Variants in SYCE2 observed in about 807,000 individuals in gnomAD.
SYCE2 encodes synaptonemal complex central element protein 2.
A neutral mutation model predicts 27.9 loss-of-function variants in SYCE2; 3 were observed. The ratio of observed to expected loss-of-function variants is 0.11; its 90% confidence interval spans 0.05 to 0.28. SYCE2 has a LOEUF of 0.28. SYCE2 is among the 10% of genes least tolerant of loss of function. SYCE2 has a pLI of 1.00. For missense variants in SYCE2, 207 were observed against 263.5 expected, an observed-to-expected ratio of 0.79 and a Z score of 1.48; for synonymous variants, 85 against 100.7, an observed-to-expected ratio of 0.84 and a Z score of 0.93.
intron 2 of SYCE2, among the ~76,000 whole-genome samples, chr19:12,917,253 A>G (rs1971153559): frequency 6.7e-6 from 1 of 148,828 alleles, no homozygotes; most frequent in South Asian, 2.1e-4. Context: ...ACAGGGTTTC[A>G]CCATATTGGC....
In SYCE2 at chr19:12,919,277, A is replaced by C. The variant is rs936845971; in HGVS notation, c.-20T>G. 1.9e-6 allele frequency: 3 copies of C among 1,609,788 alleles called. No individual in the cohort carries two copies. The highest frequency in any genetic ancestry group is 1.1e-5 in the South Asian group (1 of 91,088). The stretch of plus-strand genomic sequence containing the variant: ...CTCCATTCCGTATTTTCCCGCCTTC[A>C]AGCTCGCACCCTCTGCGCATGCGCC... On this transcript the variant is annotated 5_prime_UTR_variant, in exon 1 of 6. Transcript: ENST00000293695.
At chr19:12,915,221 G>C (rs765869032) in intron 2 of SYCE2, among the ~76,000 whole-genome samples, 74 of 152,302 alleles carry the variant, frequency 4.9e-4, no homozygotes, top group Non-Finnish European at 9.7e-4. Context: ...CACTGTATCT[G>C]GCCTGGAGTG....
Position 12,904,827 on chromosome 19 carries a change from G to C in SYCE2, c.132-161C>G. Reference sequence around the variant, plus strand: ...CAGCCTGGCAACATGGTGAAACCTCGTCTCTAGTAAAAACAAAAAAACAAA... The same window carrying C: ...CAGCCTGGCAACATGGTGAAACCTCCTCTCTAGTAAAAACAAAAAAACAAA... On this transcript the variant is annotated intron_variant, in intron 2 of 5. Coordinates refer to ENST00000293695, the MANE Select transcript of SYCE2 (RefSeq NM_001105578.2). The C allele has an allele frequency of 5.2e-6, 4 of 762,484 alleles. No homozygotes were observed. In the South Asian group the frequency reaches 7.3e-5, roughly 14 times the overall value. The allele number at this position is 762,484 out of a possible 1,614,324, so 47.2% of individuals were successfully genotyped here. A position where few individuals can be genotyped will look rare whatever the true frequency, so the allele number is the denominator to read the frequency against.
chr19:12,904,676 G>A lies in SYCE2; in HGVS notation c.132-10C>T. On this transcript the variant is annotated splice_polypyrimidine_tract_variant and intron_variant, in intron 2 of 5. Transcript: ENST00000293695. ...CAGCTGGCAACTGGCACTGGAGGTG[G>A]CGACACAAGGGCAAGAAACCTGACT... 3.7e-6 allele frequency: 6 copies of A among 1,612,960 alleles called. No individual in the cohort carries two copies. Among genetic ancestry groups the A allele is most frequent in the Non-Finnish European group, 5.1e-6 (6 of 1,179,894 alleles).
chr19:12,903,599 A>T (rs1350338645), intron 3 of SYCE2, among the ~76,000 whole-genome samples: 1 of 150,476 alleles, frequency 6.6e-6, no homozygotes, highest in African/African-American at 2.5e-5. Context: ...GTTGGCCAGG[A>T]TGGTCTCCAT....
chr19:12,900,226 C>T (rs953119022), intron 4 of SYCE2, 106 bp from the exon 5 acceptor site: 4 of 1,343,842 alleles, frequency 3.0e-6, no homozygotes, highest in African/African-American at 2.9e-5. Context: ...TCCTTTCTGT[C>T]ACCACAGAGC....
In SYCE2 at chr19:12,899,795, G is replaced by A. The variant is rs967281975; in HGVS notation, c.612+209C>T. On this transcript the variant is annotated intron_variant, in intron 5 of 5. Coordinates refer to ENST00000293695, the MANE Select transcript of SYCE2 (RefSeq NM_001105578.2). ...GATGAGAGCAGACTCCATTTACCCT[G>A]AAATAGCAGCTTCTCTTGAGAGGAG... is the stretch of plus-strand genomic sequence containing the variant. The A allele has an allele frequency of 2.5e-6, 4 of 1,588,372 alleles. No individual in the cohort carries two copies. In the African/African-American group the frequency reaches 5.4e-5, roughly 21 times the overall value.
intron 3 of SYCE2, among the ~76,000 whole-genome samples, chr19:12,901,891 C>T (rs950630923): frequency 2.0e-5 from 3 of 152,146 alleles, no homozygotes; most frequent in African/African-American, 7.2e-5. Flanking sequence ...GCTGGGATTA[C>T]AGGCATGAGC....
Position 12,901,169 on chromosome 19 carries a change from A to AAAATAAATAAAT in SYCE2, c.307-533_307-522dup, listed in dbSNP as rs368396066. ...GGGCTACAGAGCAAGACTCCATCTC[A>AAAATAAATAAAT]AAATAAATAAATAAATAAATAAATA... On this transcript the variant is annotated intron_variant, in intron 3 of 5. Transcript: ENST00000293695. 5.2e-3 allele frequency among the ~76,000 whole-genome samples: 733 copies of AAAATAAATAAAT among 140,820 alleles called. 1 individual carries two copies. Among genetic ancestry groups the AAAATAAATAAAT allele is most frequent in the South Asian group, 7.7e-3 (34 of 4,434 alleles). The allele number at this position is 140,820 out of a possible 152,430, so 92.4% of individuals were successfully genotyped here. A position where few individuals can be genotyped will look rare whatever the true frequency, so the allele number is the denominator to read the frequency against.
chr19:12,905,846 T>A (rs1030015742), intron 2 of SYCE2, among the ~76,000 whole-genome samples: 6 of 152,156 alleles, frequency 3.9e-5, no homozygotes, highest in African/African-American at 9.7e-5. Flanking sequence ...CACTATGTTA[T>A]TCAGGCTGCT....
At chr19:12,917,459 T>C (rs920364671) in intron 2 of SYCE2, among the ~76,000 whole-genome samples, 11 of 151,714 alleles carry the variant, frequency 7.3e-5, no homozygotes, top group Non-Finnish European at 1.5e-5. Flanking sequence ...GCCTCTGGGG[T>C]TCAAGCGATT....
Position 12,904,613 on chromosome 19 carries a change from G to A in SYCE2, c.185C>T (p.Ser62Phe). ...CAGGATGTCAATGCTTGAGTCCAGA[G>A]AGGAGAAGTAGAGTCCCGACTTCCC... ...LEGKSGLYFS[S>F]LDSSIDILQK... Residue 62 changes from serine (S) to phenylalanine (F), a missense_variant, in exon 3 of 6, where the codon TCT (serine) becomes TTT (phenylalanine). Ser to Phe is a radical substitution (Grantham distance 155, BLOSUM62 -2). Transcript: ENST00000293695. The A allele has an allele frequency of 1.2e-6, 2 of 1,614,052 alleles. No individual in the cohort carries two copies. Among genetic ancestry groups the A allele is most frequent in the South Asian group, 2.2e-5 (2 of 91,074 alleles).
intron 2 of SYCE2, among the ~76,000 whole-genome samples, chr19:12,906,866 G>A (rs1050898591): frequency 5.9e-5 from 9 of 152,058 alleles, no homozygotes; most frequent in Admixed American, 2.6e-4. Flanking sequence ...ACTCTAGCCC[G>A]GGCAACAGAG....
chr19:12,901,413 A>G (rs1970835804), intron 3 of SYCE2, among the ~76,000 whole-genome samples: 1 of 148,594 alleles, frequency 6.7e-6, no homozygotes, highest in Non-Finnish European at 1.5e-5. Context: ...GGTGACGCGC[A>G]CTTGCAGTCC....
chr19:12,919,082 A>G (rs1971195085), intron 1 of SYCE2, among the ~76,000 whole-genome samples, 161 bp downstream of exon 1: 1 of 152,038 alleles, frequency 6.6e-6, no homozygotes, highest in African/African-American at 2.4e-5. Flanking sequence ...GGCCGGGTTC[A>G]GTCAGTCAGG....
At chr19:12,910,529 C>G (rs551753193) in intron 2 of SYCE2, among the ~76,000 whole-genome samples, 1 of 151,756 alleles carries the variant, frequency 6.6e-6, no homozygotes, top group South Asian at 2.1e-4. Flanking sequence ...CACACCACCA[C>G]GCCCGGCTAA....
At chr19:12,914,703 A>G (rs1971107239) in intron 2 of SYCE2, among the ~76,000 whole-genome samples, 1 of 152,154 alleles carries the variant, frequency 6.6e-6, no homozygotes, top group African/African-American at 2.4e-5. Flanking sequence ...TCTGCCTCCC[A>G]GGTTCAAGCG....
intron 3 of SYCE2, among the ~76,000 whole-genome samples, chr19:12,903,094 CTTT>C (rs1298868407): frequency 3.1e-5 from 4 of 129,320 alleles, no homozygotes; most frequent in Admixed American, 1.6e-4. Flanking sequence ...TCTTTTTCTT[CTTT>C]TTTTTTTTTT....
intron 2 of SYCE2, among the ~76,000 whole-genome samples, chr19:12,911,443 T>C (rs1314441806): frequency 6.6e-6 from 1 of 151,918 alleles, no homozygotes; most frequent in Non-Finnish European, 1.5e-5. Context: ...TCTTTTTCTT[T>C]CTTTTTTCTT....
Sources: allele counts gnomAD v4.1 joint callset (sites outside exome capture counted in the v4.1 genomes callset), GRCh38; gene constraint gnomAD v4.1.1; transcripts MANE v1.5; gene names NCBI Gene and HGNC (gene_info 2026-07-23, HGNC 2026-07-21).